PPCDC: variants seen among roughly 807,000 people sequenced by gnomAD.
The protein encoded by PPCDC is phosphopantothenoylcysteine decarboxylase.
PPCDC carries 20 observed loss-of-function variants against 20.7 expected under a neutral mutation model. That is an observed-to-expected ratio of 0.97 (90% CI 0.68 to 1.41). The LOEUF (loss-of-function observed/expected upper bound fraction) is 1.41, where lower values mean the gene tolerates loss of function less well. Among genes scored for constraint, PPCDC ranks in the 40% most tolerant of loss-of-function variants. The pLI is 0.00. For missense variants in PPCDC, 246 were observed against 263.8 expected, an observed-to-expected ratio of 0.93 and a Z score of 0.47; for synonymous variants, 88 against 100.3, an observed-to-expected ratio of 0.88 and a Z score of 0.73.
chr15:75,033,515 G>GTT (rs200069199), intron 2 of PPCDC, among the ~76,000 whole-genome samples: 6 of 150,784 alleles, frequency 4.0e-5, no homozygotes, highest in African/African-American at 7.3e-5. Context: ...GTGTGTGTGT[G>GTT]TTTTTTTGTT....
intron 2 of PPCDC, among the ~76,000 whole-genome samples, chr15:75,031,390 G>C (rs1307695666): frequency 6.6e-6 from 1 of 152,190 alleles, no homozygotes; most frequent in Admixed American, 6.5e-5. Flanking sequence ...CCTCCATCTT[G>C]CTAGGCTGCT....
chr15:75,028,225 G>T, intron 1 of PPCDC, 22 bp from the exon 2 acceptor site: 1 of 1,495,074 alleles, frequency 6.7e-7, no homozygotes, highest in Non-Finnish European at 9.0e-7. Flanking sequence ...AATGAAGGGG[G>T]TGGCCCTTGT....
In PPCDC at chr15:75,033,060, C is replaced by A. The variant is rs528830434; in HGVS notation, c.135+4607C>A. The stretch of plus-strand genomic sequence containing the variant: ...TCAAGTGATCTGTCTGCCTCCACCT[C>A]CCAAAGTGCTGGGATTACAAGCATG... On this transcript the variant is annotated intron_variant, in intron 2 of 5. Transcript: ENST00000342932. Among the ~76,000 whole-genome samples, 205 of 152,290 alleles carry A rather than the reference C, an allele frequency of 1.3e-3. 1 individual carries two copies. Among genetic ancestry groups the A allele is most frequent in the Middle Eastern group, 6.8e-3 (2 of 294 alleles).
intron 1 of PPCDC, among the ~76,000 whole-genome samples, chr15:75,027,063 G>A (rs1595896245): frequency 6.6e-6 from 1 of 152,146 alleles, no homozygotes; most frequent in African/African-American, 2.4e-5. Flanking sequence ...AATTAGACCC[G>A]GTCACACATT....
chr15:75,046,758 G>A (rs919480170), intron 4 of PPCDC, among the ~76,000 whole-genome samples: 2 of 152,248 alleles, frequency 1.3e-5, no homozygotes, highest in Non-Finnish European at 2.9e-5. Context: ...CCTTTCCAGC[G>A]CCCAGGGCAT....
intron 2 of PPCDC, among the ~76,000 whole-genome samples, chr15:75,038,617 T>C (rs1386245176): frequency 1.3e-5 from 2 of 152,216 alleles, no homozygotes; most frequent in Admixed American, 6.5e-5. Context: ...GGGCTCAGGC[T>C]GCACCAATAG....
At chr15:75,035,890 C>T (rs1252421043) in intron 2 of PPCDC, among the ~76,000 whole-genome samples, 1 of 151,078 alleles carries the variant, frequency 6.6e-6, no homozygotes, top group East Asian at 1.9e-4. Flanking sequence ...TCTCTGGAAC[C>T]CAGGAGGCAG....
At chr15:75,041,191 C>T (rs1045976117) in intron 2 of PPCDC, among the ~76,000 whole-genome samples, 1 of 152,350 alleles carries the variant, frequency 6.6e-6, no homozygotes, top group Non-Finnish European at 1.5e-5. Context: ...GCTCTCCCAA[C>T]CTGTGCTGGC....
At chr15:75,028,551 T>C (rs1387865585) in intron 2 of PPCDC, 98 bp downstream of exon 2, 4 of 1,514,808 alleles carry the variant, frequency 2.6e-6, no homozygotes, top group East Asian at 4.5e-5. Flanking sequence ...AATTTTCTTT[T>C]TCTTTATCAT....
intron 2 of PPCDC, among the ~76,000 whole-genome samples, chr15:75,034,964 C>T (rs182282503): frequency 6.6e-6 from 1 of 151,996 alleles, no homozygotes; most frequent in Non-Finnish European, 1.5e-5. Flanking sequence ...CAGAGCTGTG[C>T]TATCCGATAA....
chr15:75,041,171 G>A (rs1049236854), intron 2 of PPCDC, among the ~76,000 whole-genome samples: 1 of 152,172 alleles, frequency 6.6e-6, no homozygotes, highest in Non-Finnish European at 1.5e-5. Flanking sequence ...GCATGGCCCC[G>A]CCCTGCCCTG....
At chr15:75,028,180 T>TA in intron 1 of PPCDC, 67 bp from the exon 2 acceptor site, 1 of 1,182,394 alleles carries the variant, frequency 8.5e-7, no homozygotes, top group Non-Finnish European at 1.2e-6. Flanking sequence ...TGGGGCCTAA[T>TA]ACGTGGTGCT....
intron 2 of PPCDC, chr15:75,043,180 A>G (rs1331321728): frequency 2.6e-6 from 1 of 389,710 alleles, no homozygotes; most frequent in African/African-American, 2.1e-5. Flanking sequence ...AGCTTTGTAT[A>G]TACGGGCAGT....
At chr15:75,033,897 C>T (rs1202045409) in intron 2 of PPCDC, among the ~76,000 whole-genome samples, 1 of 152,200 alleles carries the variant, frequency 6.6e-6, no homozygotes, top group Non-Finnish European at 1.5e-5. Flanking sequence ...AGACCACCTC[C>T]CTGGTTTCCT....
intron 5 of PPCDC, 31 bp downstream of exon 5, chr15:75,048,752 G>A: frequency 3.1e-6 from 5 of 1,608,292 alleles, no homozygotes; most frequent in Non-Finnish European, 3.4e-6. Flanking sequence ...ATAGCCCAGG[G>A]CTGTAGAAGG....
intron 2 of PPCDC, among the ~76,000 whole-genome samples, chr15:75,041,933 G>T (rs2066157571): frequency 6.6e-6 from 1 of 152,230 alleles, no homozygotes; most frequent in Non-Finnish European, 1.5e-5. Context: ...GGTGGAATTG[G>T]CATGGGCACG....
intron 4 of PPCDC, among the ~76,000 whole-genome samples, chr15:75,048,340 G>A (rs1246913527): frequency 1.3e-5 from 2 of 152,204 alleles, no homozygotes; most frequent in African/African-American, 4.8e-5. Context: ...AGCACCTCCT[G>A]TTTGTAGGAT....
At chr15:75,037,554 C>T (rs2066100464) in intron 2 of PPCDC, among the ~76,000 whole-genome samples, 1 of 152,116 alleles carries the variant, frequency 6.6e-6, no homozygotes, top group Non-Finnish European at 1.5e-5. Context: ...CGAGACCAGC[C>T]TGGCCAACAT....
At position 75,028,247 on chromosome 15, in the gene PPCDC, A is replaced by T. The variant is rs2065980078; in HGVS notation, c.-72A>T. 3 of 1,567,246 alleles carry T rather than the reference A, an allele frequency of 1.9e-6. No individual in the cohort carries two copies. The highest frequency in any genetic ancestry group is 8.6e-7 in the Non-Finnish European group (1 of 1,158,686). On this transcript the variant is annotated splice_region_variant and 5_prime_UTR_variant, in exon 2 of 6. Transcript: ENST00000342932. Reference sequence around the variant, plus strand: ...GGGGTGGCCCTTGTTCTCCTTTTAGATCCTAAATCCCGACAGCTTTATAGA... The same window carrying T: ...GGGGTGGCCCTTGTTCTCCTTTTAGTTCCTAAATCCCGACAGCTTTATAGA...
Sources: gnomAD v4.1 joint callset for allele counts (sites outside exome capture counted in the v4.1 genomes callset) on GRCh38, gnomAD v4.1.1 for gene constraint, MANE v1.5 for transcripts, NCBI Gene and HGNC (gene_info 2026-07-23, HGNC 2026-07-21) for gene names.